Variants in CNOT6L observed in about 807,000 individuals in gnomAD.
CNOT6L encodes CCR4-NOT transcription complex subunit 6 like.
A neutral mutation model predicts 64.0 loss-of-function variants in CNOT6L; 7 were observed. The ratio of observed to expected loss-of-function variants is 0.11; its 90% CI spans 0.06 to 0.21. The LOEUF (loss-of-function observed/expected upper bound fraction) is 0.21. Ranked by LOEUF, CNOT6L falls within the 10% of genes least tolerant of loss-of-function variation. The probability of loss-of-function intolerance (pLI) is 1.00; values close to 1 mark genes in which losing one functional copy is unlikely to be tolerated. For missense variants in CNOT6L, 245 were observed against 669.0 expected (o/e 0.37, Z 6.99); for synonymous variants, 193 against 243.4 (o/e 0.79, Z 1.93).
At chr4:77,733,127 G>A (rs1722622377) in intron 8 of CNOT6L, among the ~76,000 whole-genome samples, 1 of 152,042 alleles carries the variant, frequency 6.6e-6, no homozygotes, top group Non-Finnish European at 1.5e-5. Flanking sequence ...GATTCCCACA[G>A]ATAAAACAGA....
chr4:77,775,164 A>C (rs576863967), intron 2 of CNOT6L, among the ~76,000 whole-genome samples: 1 of 152,194 alleles, frequency 6.6e-6, no homozygotes, highest in Non-Finnish European at 1.5e-5. Context: ...TATCCAGCTC[A>C]AAGTGTCAGT....
chr4:77,734,980 A>C (rs536320319), intron 8 of CNOT6L, among the ~76,000 whole-genome samples: 1 of 152,188 alleles, frequency 6.6e-6, no homozygotes, highest in Non-Finnish European at 1.5e-5. Context: ...TACTTCATAT[A>C]TGTTAGTCCT....
chr4:77,819,931 G>C (rs1242194916), upstream of CNOT6L, among the ~76,000 whole-genome samples: 1 of 151,738 alleles, frequency 6.6e-6, no homozygotes, highest in Non-Finnish European at 1.5e-5. Context: ...CCGCGGCCGC[G>C]GCCGCCGGCG....
rs1345211661 is a variant in CNOT6L at position 77,717,577 on chromosome 4, A to G, written c.*2854T>C. 6.6e-6 allele frequency: 1 copy of G among 152,260 alleles called. No homozygotes were observed. The highest frequency in any genetic ancestry group is 2.4e-5 in the African/African-American group (1 of 41,382). 9.4% of individuals were successfully genotyped at this position (152,260 alleles called of 1,614,324 possible). ...AACTAGAAAGTATATGAGCATATATATTTTACTTTCATTGAATATATATAT... is the reference window on the plus strand; with the variant it reads ...AACTAGAAAGTATATGAGCATATATGTTTTACTTTCATTGAATATATATAT... On this transcript the variant is annotated 3_prime_UTR_variant, in exon 12 of 12. Coordinates refer to ENST00000504123, the MANE Select transcript of CNOT6L (RefSeq NM_144571.3).
In CNOT6L at chr4:77,819,358, G is replaced by A. The variant is rs751121501; in HGVS notation, c.-50C>T. On this transcript the variant is annotated 5_prime_UTR_variant, in exon 1 of 12. Coordinates refer to ENST00000504123, the MANE Select transcript of CNOT6L (RefSeq NM_144571.3). ...CAGCAGCCATTTCCCCGCGGCAGGG[G>A]AAACACACACACAAACACGCGCGCG... 10 of 1,612,202 alleles carry A rather than the reference G, an allele frequency of 6.2e-6. No individual in the cohort carries two copies. In the African/African-American group the frequency reaches 1.3e-4, roughly 22 times the overall value.
intron 1 of CNOT6L, among the ~76,000 whole-genome samples, chr4:77,786,834 GA>G (rs967736507): frequency 1.2e-4 from 18 of 152,222 alleles, no homozygotes; most frequent in African/African-American, 4.3e-4. Flanking sequence ...AGGGGTTGCT[GA>G]AAAATATCAC....
chr4:77,760,638 A>G (rs1726097498), intron 4 of CNOT6L, among the ~76,000 whole-genome samples: 1 of 151,858 alleles, frequency 6.6e-6, no homozygotes, highest in Non-Finnish European at 1.5e-5. Context: ...TAAAACTGAT[A>G]CATTTCTCTT....
At chr4:77,732,752 A>G (rs1210439937) in intron 8 of CNOT6L, among the ~76,000 whole-genome samples, 1 of 152,120 alleles carries the variant, frequency 6.6e-6, no homozygotes, top group Non-Finnish European at 1.5e-5. Context: ...CATCCCAGGT[A>G]GAAAATGTGA....
rs147530788 is a variant in CNOT6L at position 77,742,057 on chromosome 4, A to G, written c.872+84T>C. On this transcript the variant is annotated intron_variant, in intron 8 of 11. Coordinates refer to ENST00000504123, the MANE Select transcript of CNOT6L (RefSeq NM_144571.3). Reference sequence around the variant, plus strand: ...TGTTTTCTAGCTTTCTGTTGATTTTATAGGGCAAAACCAAAGACAATTTTA... The same window carrying G: ...TGTTTTCTAGCTTTCTGTTGATTTTGTAGGGCAAAACCAAAGACAATTTTA... The G allele has an allele frequency of 7.4e-4, 958 of 1,286,202 alleles. 11 individuals are homozygous for G. The African/African-American group carries it at 0.013, about 18-fold the overall frequency. The allele number at this position is 1,286,202 out of a possible 1,614,324, so 79.7% of individuals were successfully genotyped here.
In CNOT6L at chr4:77,717,923, T is replaced by C. The variant is rs1327614181; in HGVS notation, c.*2508A>G. On this transcript the variant is annotated 3_prime_UTR_variant, in exon 12 of 12. Transcript: ENST00000504123. Reference sequence around the variant, plus strand: ...ACCACATTAAAAATACACAGGATAATGAATGGTTTGAAAGAGCGCATTTGA... The same window carrying C: ...ACCACATTAAAAATACACAGGATAACGAATGGTTTGAAAGAGCGCATTTGA... The C allele has an allele frequency of 6.6e-6, 1 of 152,458 alleles. No homozygotes were observed. The highest frequency in any genetic ancestry group is 1.5e-5 in the Non-Finnish European group (1 of 68,010). 9.4% of individuals were successfully genotyped at this position (152,458 alleles called of 1,614,324 possible). A position where few individuals can be genotyped will look rare whatever the true frequency, so the allele number is the denominator to read the frequency against.
At chr4:77,809,573 CCT>C (rs1280499868) in intron 1 of CNOT6L, among the ~76,000 whole-genome samples, 3 of 151,756 alleles carry the variant, frequency 2.0e-5, no homozygotes, top group Non-Finnish European at 2.9e-5. Flanking sequence ...AAGAATATAC[CCT>C]GTTAAGTAAT....
At chr4:77,819,374 CA>C, upstream of CNOT6L, 1 of 1,598,036 alleles carries the variant, frequency 6.3e-7, no homozygotes, top group African/African-American at 1.3e-5. Flanking sequence ...CACACACAAA[CA>C]CGCGCGCGCG....
intron 1 of CNOT6L, among the ~76,000 whole-genome samples, chr4:77,796,385 G>C (rs1479929963): frequency 6.6e-6 from 1 of 152,070 alleles, no homozygotes; most frequent in Non-Finnish European, 1.5e-5. Flanking sequence ...TCATGGGGGA[G>C]GACTTCTCCC....
In CNOT6L at chr4:77,744,884, T is replaced by G. The variant is rs751506283; in HGVS notation, c.560-9A>C. 1.1e-5 allele frequency: 17 copies of G among 1,582,424 alleles called. No individual in the cohort carries two copies. The highest frequency in any genetic ancestry group is 1.4e-5 in the Non-Finnish European group (16 of 1,167,828). On this transcript the variant is annotated splice_polypyrimidine_tract_variant and intron_variant, in intron 6 of 11. Transcript: ENST00000504123. ...CATAACCGTGAATGATGCTAAGAAG[T>G]GGGAGAAAAAACAACAGACAAACGG...
intron 4 of CNOT6L, among the ~76,000 whole-genome samples, chr4:77,759,060 T>A (rs889442400): frequency 2.6e-5 from 4 of 151,678 alleles, no homozygotes; most frequent in Non-Finnish European, 5.9e-5. Flanking sequence ...ACAGTAAACA[T>A]ATTTAACTCC....
intron 1 of CNOT6L, among the ~76,000 whole-genome samples, chr4:77,818,807 G>A (rs559836669): frequency 1.5e-3 from 232 of 151,814 alleles, no homozygotes; most frequent in African/African-American, 5.3e-3. Flanking sequence ...CGGGCGCCCA[G>A]GCAGTTAGGC....
chr4:77,795,353 T>TA (rs905647893), intron 1 of CNOT6L, among the ~76,000 whole-genome samples: 5 of 151,958 alleles, frequency 3.3e-5, no homozygotes, highest in African/African-American at 9.7e-5. Context: ...TACAATGACA[T>TA]AAAAAAATAG....
intron 11 of CNOT6L, among the ~76,000 whole-genome samples, chr4:77,724,303 T>C (rs573402194): frequency 6.7e-6 from 1 of 150,052 alleles, no homozygotes; most frequent in South Asian, 2.1e-4. Context: ...TGAGTCATGA[T>C]TGTGCCACTC....
chr4:77,760,809 G>A (rs1041763716), intron 4 of CNOT6L, among the ~76,000 whole-genome samples: 46 of 139,454 alleles, frequency 3.3e-4, no homozygotes, highest in African/African-American at 1.2e-3. Context: ...CCATTCTCCT[G>A]CCTCGGCCTC....
Sources: allele counts gnomAD v4.1 joint callset (sites outside exome capture counted in the v4.1 genomes callset), GRCh38; gene constraint gnomAD v4.1.1; transcripts MANE v1.5; gene names NCBI Gene and HGNC (gene_info 2026-07-23, HGNC 2026-07-21).